STK3: variants seen among roughly 807,000 people sequenced by gnomAD.
STK3 encodes serine/threonine kinase 3.
A neutral mutation model predicts 58.0 loss-of-function variants in STK3; 41 were observed. That is an observed-to-expected ratio of 0.71 (90% CI 0.55 to 0.92). The LOEUF is 0.92. Ranked by LOEUF, STK3 falls within the 40% of genes least tolerant of loss-of-function variation. The pLI is 0.00. For synonymous variants in STK3, 170 were observed against 191.0 expected (o/e 0.89, Z 0.91); for missense variants, 479 against 602.7 (o/e 0.79, Z 2.15).
chr8:98,519,233 A>T (rs1453404347), intron 10 of STK3, among the ~76,000 whole-genome samples: 1 of 152,124 alleles, frequency 6.6e-6, no homozygotes, highest in African/African-American at 2.4e-5. Context: ...AAAACCAGAA[A>T]CATTACCTGC....
intron 1 of STK3, among the ~76,000 whole-genome samples, chr8:98,893,429 A>G (rs867586978): frequency 3.3e-4 from 21 of 64,612 alleles, no homozygotes; most frequent in Admixed American, 6.6e-4. Context: ...AAGGAAAGAA[A>G]GAAAGAAAGA....
chr8:98,836,459 C>A (rs1424659843), intron 3 of STK3, among the ~76,000 whole-genome samples: 2 of 152,230 alleles, frequency 1.3e-5, no homozygotes, highest in African/African-American at 4.8e-5. Flanking sequence ...TCCAAAGTCA[C>A]CACCTTCAGG....
In STK3 at chr8:98,681,500, T is replaced by G. The variant is rs548868407; in HGVS notation, c.684+24967A>C. ...AGTGTTAAAGCCTATCTGGTGGTCC[T>G]GACCTTTTCAACCAATCAAAACCAG... On this transcript the variant is annotated intron_variant, in intron 6 of 10. Coordinates refer to ENST00000419617, the MANE Select transcript of STK3 (RefSeq NM_006281.4). 7.2e-5 allele frequency among the ~76,000 whole-genome samples: 11 copies of G among 152,328 alleles called. No individual in the cohort carries two copies. In the South Asian group the frequency reaches 2.1e-3, roughly 29 times the overall value.
intron 8 of STK3, among the ~76,000 whole-genome samples, chr8:98,575,550 A>G (rs1305293880): frequency 6.6e-6 from 1 of 150,906 alleles, no homozygotes; most frequent in African/African-American, 2.4e-5. Context: ...GCACACCACA[A>G]CTGGGCCCTG....
intron 6 of STK3, among the ~76,000 whole-genome samples, chr8:98,667,444 TCTAA>T: frequency 6.6e-6 from 1 of 152,252 alleles, no homozygotes; most frequent in Admixed American, 6.5e-5. Flanking sequence ...CCATAAACTT[TCTAA>T]CTGATACTAC....
At chr8:98,714,448 G>A (rs1421960342) in intron 4 of STK3, among the ~76,000 whole-genome samples, 2 of 152,082 alleles carry the variant, frequency 1.3e-5, no homozygotes, top group Non-Finnish European at 2.9e-5. Flanking sequence ...AGGATACAAA[G>A]TCAATGTGCA....
chr8:98,579,208 C>T (rs571261900), intron 8 of STK3, among the ~76,000 whole-genome samples: 11 of 152,078 alleles, frequency 7.2e-5, no homozygotes, highest in South Asian at 6.2e-4. Context: ...TATTTTATTT[C>T]GTTATTTAAA....
chr8:98,411,850 T>A (rs1818060986), intron 3 of STK3, among the ~76,000 whole-genome samples: 1 of 152,164 alleles, frequency 6.6e-6, no homozygotes, highest in Admixed American at 6.5e-5. Context: ...TTCTCTCCCA[T>A]TCGTCTTGCT....
At position 98,428,891 on chromosome 8, in the gene STK3, C is replaced by A. The variant is rs374122102; in HGVS notation, n.483+5236G>T. On this transcript the variant is annotated intron_variant and non_coding_transcript_variant, in intron 3 of 3. Coordinates refer to the STK3 transcript ENST00000517832. The surrounding 1 kb of genome is among the most constrained non-coding windows in gnomAD (Gnocchi z 6.7). ...TCCTGAGGCTGATGCGGATCTTCCG[C>A]ATCTTAAAGCTGGCCAGGCACTCCA... The A allele has an allele frequency of 4.3e-6, 7 of 1,614,062 alleles. No homozygotes were observed. Among genetic ancestry groups the A allele is most frequent in the Non-Finnish European group, 5.9e-6 (7 of 1,180,042 alleles).
the STK3 span, among the ~76,000 whole-genome samples, chr8:98,354,634 AC>A: frequency 9.2e-5 from 14 of 151,940 alleles, no homozygotes; most frequent in African/African-American, 3.4e-4. Context: ...CATTGTTATA[AC>A]CCCCATACAT....
intron 6 of STK3, among the ~76,000 whole-genome samples, chr8:98,655,871 C>T (rs1245214833): frequency 1.3e-5 from 2 of 152,302 alleles, no homozygotes; most frequent in East Asian, 3.9e-4. Flanking sequence ...AATAGGAACA[C>T]TTTTGCACTG....
At chr8:98,774,859 A>G (rs980849999) in intron 1 of STK3, 40 bp from the exon 2 acceptor site, 1 of 1,422,760 alleles carries the variant, frequency 7.0e-7, no homozygotes, top group Non-Finnish European at 9.4e-7. Flanking sequence ...TATTTTCTTT[A>G]AAGACCTTTT....
Position 98,455,740 on chromosome 8 carries a change from A to G in STK3, c.*102T>C, listed in dbSNP as rs938653904. 3.4e-6 allele frequency: 5 copies of G among 1,459,786 alleles called. No individual in the cohort carries two copies. Among genetic ancestry groups the G allele is most frequent in the African/African-American group, 1.4e-5 (1 of 70,382 alleles). The allele number at this position is 1,459,786 out of a possible 1,614,324, so 90.4% of individuals were successfully genotyped here. A position where few individuals can be genotyped will look rare whatever the true frequency, so the allele number is the denominator to read the frequency against. On this transcript the variant is annotated 3_prime_UTR_variant, in exon 11 of 11. Coordinates refer to ENST00000419617, the MANE Select transcript of STK3 (RefSeq NM_006281.4). ...ATTGTCACTTTTTGACCTCTGCCTA[A>G]TTGTAGGGCAAAATCTTAGGATTAA... is the stretch of plus-strand genomic sequence containing the variant.
At chr8:98,407,345 A>G (rs1009063070) in intron 3 of STK3, among the ~76,000 whole-genome samples, 1 of 152,140 alleles carries the variant, frequency 6.6e-6, no homozygotes. Flanking sequence ...GCTCAAATAG[A>G]GAGTGTTCCA....
chr8:98,821,474 C>T lies in STK3; in HGVS notation c.26+4041G>A, dbSNP rs1327308577. Among the ~76,000 whole-genome samples the T allele has an allele frequency of 2.6e-5, 4 of 151,218 alleles. No homozygotes were observed. The East Asian group carries it at 5.8e-4, about 22-fold the overall frequency. Reference sequence around the variant, plus strand: ...TAACGACTTTGGCCAGCTTGGGCAACATGGCAAGACCTCATCTCTACAAAT... The same window carrying T: ...TAACGACTTTGGCCAGCTTGGGCAATATGGCAAGACCTCATCTCTACAAAT... On this transcript the variant is annotated intron_variant, in intron 1 of 10. Transcript: ENST00000419617.
At chr8:98,817,983 G>A (rs549205963) in intron 1 of STK3, among the ~76,000 whole-genome samples, 1 of 152,206 alleles carries the variant, frequency 6.6e-6, no homozygotes, top group South Asian at 2.1e-4. Flanking sequence ...CCATCTCTCT[G>A]AGCTCATCTC....
chr8:98,868,199 T>C (rs1837216922), intron 3 of STK3, among the ~76,000 whole-genome samples: 1 of 152,244 alleles, frequency 6.6e-6, no homozygotes, highest in Non-Finnish European at 1.5e-5. Context: ...AGCTCCTTAT[T>C]GTCTGCCAAA....
At chr8:98,897,512 G>T (rs568429817) in intron 1 of STK3, among the ~76,000 whole-genome samples, 66 of 152,206 alleles carry the variant, frequency 4.3e-4, no homozygotes, top group African/African-American at 1.5e-3. Context: ...GGAGAATGGC[G>T]TGAACCCGGG....
At chr8:98,656,856 T>C (rs12549300) in intron 6 of STK3, among the ~76,000 whole-genome samples, 1,614 of 152,244 alleles carry the variant, frequency 0.011, 120 homozygotes, top group Admixed American at 0.099. Context: ...TTTCCTCAAA[T>C]GAAGCAAATG....
Sources: allele counts gnomAD v4.1 joint callset (sites outside exome capture counted in the v4.1 genomes callset), GRCh38; gene constraint gnomAD v4.1.1; non-coding constraint Gnocchi (gnomAD v3.1); transcripts MANE v1.5; gene names NCBI Gene and HGNC (gene_info 2026-07-23, HGNC 2026-07-21).